Variants in EXOC6 observed in about 807,000 individuals in gnomAD.
The protein encoded by EXOC6 is SEC15-like 1.
A neutral mutation model predicts 112.5 loss-of-function variants in EXOC6; 60 were observed. The ratio of observed to expected loss-of-function variants is 0.53; its 90% CI spans 0.43 to 0.66. The LOEUF is 0.66. EXOC6 is among the 30% of genes least tolerant of loss of function. The probability of loss-of-function intolerance (pLI) is 0.00; values close to 1 mark genes in which losing one functional copy is unlikely to be tolerated. For missense variants in EXOC6, 855 were observed against 957.1 expected (o/e 0.89, Z 1.41); for synonymous variants, 295 against 308.0 (o/e 0.96, Z 0.44).
At chr10:92,866,780 T>A (rs1848195556) in intron 1 of EXOC6, among the ~76,000 whole-genome samples, 1 of 152,118 alleles carries the variant, frequency 6.6e-6, no homozygotes, top group South Asian at 2.1e-4. Flanking sequence ...TTTGCCAAAA[T>A]TGTATCTTAT....
intron 21 of EXOC6, among the ~76,000 whole-genome samples, chr10:93,057,571 G>A (rs1489711050): frequency 6.6e-6 from 1 of 152,024 alleles, no homozygotes; most frequent in African/African-American, 2.4e-5. Context: ...CTCTCATTAT[G>A]TGACAGACTT....
At chr10:92,858,993 G>A (rs1490784153) in intron 1 of EXOC6, among the ~76,000 whole-genome samples, 1 of 152,172 alleles carries the variant, frequency 6.6e-6, no homozygotes, top group Non-Finnish European at 1.5e-5. Context: ...TTGAACTCCT[G>A]ACCTCAGGTG....
At chr10:92,989,159 T>C (rs835251) in intron 18 of EXOC6, among the ~76,000 whole-genome samples, 1,622 of 152,334 alleles carry the variant, frequency 0.011, 33 homozygotes, top group African/African-American at 0.037. Flanking sequence ...TATTCGGTAA[T>C]ACTTAACACA....
intron 6 of EXOC6, among the ~76,000 whole-genome samples, chr10:92,915,260 A>G (rs1304693621): frequency 1.3e-5 from 2 of 152,102 alleles, no homozygotes; most frequent in Non-Finnish European, 2.9e-5. Flanking sequence ...AAGGAAGAGA[A>G]GCTGGGTGCG....
chr10:92,954,565 T>G lies in EXOC6; in HGVS notation c.1527-65T>G, dbSNP rs76662951. The G allele has an allele frequency of 3.1e-3, 2,304 of 747,294 alleles. 42 individuals are homozygous for G. The African/African-American group carries it at 0.037, about 12-fold the overall frequency. 46.3% of individuals were successfully genotyped at this position (747,294 alleles called of 1,614,324 possible). On this transcript the variant is annotated intron_variant, in intron 15 of 21. Coordinates refer to ENST00000260762, the MANE Select transcript of EXOC6 (RefSeq NM_019053.6). ...TATTTTAGTAAACTGTGTTAAATTATTTAGGATGTTAACTAACCACATTCA... is the reference window on the plus strand; with the variant it reads ...TATTTTAGTAAACTGTGTTAAATTAGTTAGGATGTTAACTAACCACATTCA...
chr10:92,848,375 A>C, upstream of EXOC6: 1 of 339,534 alleles, frequency 2.9e-6, no homozygotes, highest in Non-Finnish European at 4.2e-6. Flanking sequence ...GGGGGCGGGA[A>C]CCGGGTCGCG....
chr10:93,058,433 G>A lies in EXOC6; in HGVS notation c.*78G>A. Reference sequence around the variant, plus strand: ...TTGAGCAAGTATTGGTCATGATACAGTAATTTGTTTACAGAATCCAAAAAT... The same window carrying A: ...TTGAGCAAGTATTGGTCATGATACAATAATTTGTTTACAGAATCCAAAAAT... On this transcript the variant is annotated 3_prime_UTR_variant, in exon 22 of 22. Coordinates refer to ENST00000260762, the MANE Select transcript of EXOC6 (RefSeq NM_019053.6). 1.5e-6 allele frequency: 2 copies of A among 1,300,772 alleles called. No individual in the cohort carries two copies. Among genetic ancestry groups the A allele is most frequent in the African/African-American group, 3.0e-5 (2 of 65,652 alleles). The allele number at this position is 1,300,772 out of a possible 1,614,324, so 80.6% of individuals were successfully genotyped here. A position where few individuals can be genotyped will look rare whatever the true frequency, so the allele number is the denominator to read the frequency against.
chr10:92,900,309 T>G (rs1434511353), intron 5 of EXOC6: 1 of 141,710 alleles, frequency 7.1e-6, no homozygotes, highest in African/African-American at 2.7e-5. Context: ...AAAAAACAAA[T>G]GATTCAAAAG....
chr10:92,838,068 A>G (rs1233698668), intron 1 of EXOC6, among the ~76,000 whole-genome samples: 1 of 152,122 alleles, frequency 6.6e-6, no homozygotes, highest in Admixed American at 6.5e-5. Flanking sequence ...CTCCCCTAAA[A>G]AGGTGAGCTC....
intron 18 of EXOC6, among the ~76,000 whole-genome samples, chr10:92,996,579 C>T (rs1400185665): frequency 5.3e-5 from 8 of 150,444 alleles, no homozygotes; most frequent in African/African-American, 1.7e-4. Flanking sequence ...ATTGCGCCAG[C>T]CCTGGCCACA....
intron 20 of EXOC6, among the ~76,000 whole-genome samples, chr10:93,032,187 A>G (rs923244113): frequency 2.0e-5 from 3 of 152,076 alleles, no homozygotes; most frequent in African/African-American, 7.2e-5. Context: ...GAGGCAAAAA[A>G]TCAGCCAGGT....
At chr10:92,881,473 T>G (rs996555083) in intron 1 of EXOC6, among the ~76,000 whole-genome samples, 2 of 152,318 alleles carry the variant, frequency 1.3e-5, no homozygotes, top group Admixed American at 1.3e-4. Flanking sequence ...TAGATAAATT[T>G]TAATGATTTA....
chr10:93,027,590 A>C (rs903183490), intron 20 of EXOC6, among the ~76,000 whole-genome samples: 1 of 152,224 alleles, frequency 6.6e-6, no homozygotes. Context: ...TGACCATTCC[A>C]AAAACCCAAG....
chr10:92,948,651 T>C (rs906704150), intron 14 of EXOC6, among the ~76,000 whole-genome samples: 5 of 151,180 alleles, frequency 3.3e-5, no homozygotes, highest in Non-Finnish European at 5.9e-5. Flanking sequence ...GAAGAGACTT[T>C]CCTGGGCCTA....
At chr10:92,940,119 G>A (rs1293039562) in intron 12 of EXOC6, among the ~76,000 whole-genome samples, 1 of 152,118 alleles carries the variant, frequency 6.6e-6, no homozygotes, top group Admixed American at 6.5e-5. Context: ...GGTTTATGTG[G>A]AAGGAGATAG....
rs78868763 is a variant in EXOC6, at chr10:92,973,937, T to C, written c.1774-116T>C. 2.6e-3 allele frequency: 2,331 copies of C among 888,604 alleles called. 45 individuals carry two copies. The African/African-American group carries it at 0.037, about 14-fold the overall frequency. The allele number at this position is 888,604 out of a possible 1,614,324, so 55.0% of individuals were successfully genotyped here. ...AAAAACCAACAGTTTTCCTGGACTT[T>C]GAATAAATGGCTAAAATATTAAACC... On this transcript the variant is annotated intron_variant, in intron 17 of 21. Coordinates refer to ENST00000260762, the MANE Select transcript of EXOC6 (RefSeq NM_019053.6).
chr10:92,981,872 C>G (rs1842838538), intron 18 of EXOC6, among the ~76,000 whole-genome samples: 1 of 152,146 alleles, frequency 6.6e-6, no homozygotes, highest in African/African-American at 2.4e-5. Context: ...AATCCCAGCA[C>G]TTTGGGAGGC....
chr10:92,857,781 T>TTGTGTGTG (rs10623375), intron 1 of EXOC6, among the ~76,000 whole-genome samples: 7 of 151,866 alleles, frequency 4.6e-5, no homozygotes, highest in Non-Finnish European at 8.8e-5. Context: ...CTGGTGTTCT[T>TTGTGTGTG]TGTGTGTGTC....
At chr10:92,863,923 A>C (rs372989133) in intron 1 of EXOC6, among the ~76,000 whole-genome samples, 142 of 151,636 alleles carry the variant, frequency 9.4e-4, no homozygotes, top group East Asian at 5.0e-3. Flanking sequence ...TCAAAAAAAA[A>C]AAAACAAAAC....
Sources: allele counts gnomAD v4.1 joint callset (sites outside exome capture counted in the v4.1 genomes callset), GRCh38; gene constraint gnomAD v4.1.1; transcripts MANE v1.5; gene names NCBI Gene and HGNC (gene_info 2026-07-23, HGNC 2026-07-21).